Variants in SH3BGRL2 observed in about 807,000 individuals in gnomAD.
The protein encoded by SH3BGRL2 is SH3 domain-binding glutamic acid-rich-like protein 2.
SH3BGRL2 carries 21 observed loss-of-function variants against 14.8 expected under a neutral mutation model. The ratio of observed to expected loss-of-function variants is 1.42; its 90% CI spans 1.01 to 2.05. The LOEUF (loss-of-function observed/expected upper bound fraction) is 2.05. Ranked by LOEUF, SH3BGRL2 falls within the 30% of genes most tolerant of loss-of-function variation. The pLI is 0.00. For synonymous variants in SH3BGRL2, 50 were observed against 47.8 expected, an observed-to-expected ratio of 1.05 and a Z score of -0.19; for missense variants, 147 against 130.8, an observed-to-expected ratio of 1.12 and a Z score of -0.61.
chr6:79,554,206 T>C, the SH3BGRL2 span, among the ~76,000 whole-genome samples: 2 of 152,202 alleles, frequency 1.3e-5, no homozygotes, highest in African/African-American at 4.8e-5. Flanking sequence ...CTTTCCCTCT[T>C]ATTTTTCCTG....
chr6:79,680,417 G>A (rs750665736), intron 2 of SH3BGRL2, among the ~76,000 whole-genome samples: 1 of 152,134 alleles, frequency 6.6e-6, no homozygotes, highest in African/African-American at 2.4e-5. Context: ...TGGACTCTCT[G>A]TTCTGTGCTA....
chr6:79,680,363 G>T (rs1362165715), intron 2 of SH3BGRL2, among the ~76,000 whole-genome samples: 1 of 152,084 alleles, frequency 6.6e-6, no homozygotes, highest in African/African-American at 2.4e-5. Flanking sequence ...AGTGGTCTTG[G>T]TATGCTTGTC....
intron 2 of SH3BGRL2, among the ~76,000 whole-genome samples, chr6:79,681,936 A>G (rs1769995598): frequency 6.6e-6 from 1 of 151,352 alleles, no homozygotes; most frequent in Admixed American, 6.6e-5. Flanking sequence ...TGGGGGACAG[A>G]GTGAGACTCC....
At chr6:79,666,586 C>T (rs1415610568) in intron 1 of SH3BGRL2, among the ~76,000 whole-genome samples, 1 of 152,144 alleles carries the variant, frequency 6.6e-6, no homozygotes, top group East Asian at 1.9e-4. Context: ...TGGAAAGTTC[C>T]TGAGGTCTTT....
At chr6:79,550,475 T>G in the SH3BGRL2 span, among the ~76,000 whole-genome samples, 2 of 152,160 alleles carry the variant, frequency 1.3e-5, no homozygotes, top group Non-Finnish European at 2.9e-5. Flanking sequence ...TTTTTTCCTC[T>G]TATTTATCAC....
chr6:79,605,433 C>T, the SH3BGRL2 span, among the ~76,000 whole-genome samples: 1 of 152,192 alleles, frequency 6.6e-6, no homozygotes, highest in African/African-American at 2.4e-5. Context: ...AGTTTAGTTT[C>T]CCACTCCCTG....
the SH3BGRL2 span, among the ~76,000 whole-genome samples, chr6:79,624,902 T>C: frequency 6.6e-6 from 1 of 152,166 alleles, no homozygotes; most frequent in East Asian, 1.9e-4. Flanking sequence ...GTGGGCTCCA[T>C]GGCTCACGCC....
At chr6:79,574,918 T>C in the SH3BGRL2 span, 2 of 152,176 alleles carry the variant, frequency 1.3e-5, no homozygotes, top group Non-Finnish European at 2.9e-5. Flanking sequence ...TCTAGGTGGC[T>C]AACTTGGATT....
the SH3BGRL2 span, among the ~76,000 whole-genome samples, chr6:79,555,004 A>G: frequency 6.6e-6 from 1 of 152,152 alleles, no homozygotes; most frequent in Non-Finnish European, 1.5e-5. Context: ...TTTCTTCACA[A>G]TAGTCATATT....
At chr6:79,579,277 A>C in the SH3BGRL2 span, among the ~76,000 whole-genome samples, 60 of 152,316 alleles carry the variant, frequency 3.9e-4, no homozygotes, top group Middle Eastern at 3.4e-3. Flanking sequence ...GGCCAACATT[A>C]AAATTCAGGA....
chr6:79,562,477 A>G, the SH3BGRL2 span, among the ~76,000 whole-genome samples: 3 of 152,186 alleles, frequency 2.0e-5, no homozygotes, highest in African/African-American at 7.2e-5. Flanking sequence ...TTAGCTTCTG[A>G]GACTTAAAAA....
chr6:79,569,381 C>T, the SH3BGRL2 span, among the ~76,000 whole-genome samples: 2 of 152,146 alleles, frequency 1.3e-5, no homozygotes, highest in East Asian at 3.9e-4. Flanking sequence ...GTGCCAGACT[C>T]TTAGTTAATT....
upstream of SH3BGRL2, among the ~76,000 whole-genome samples, chr6:79,627,872 C>T (rs1300998821): frequency 2.6e-5 from 4 of 152,112 alleles, no homozygotes; most frequent in Admixed American, 6.5e-5. Flanking sequence ...GATCTCCCCT[C>T]ACCCCCAGCC....
At chr6:79,659,668 C>A (rs1769500845) in intron 1 of SH3BGRL2, among the ~76,000 whole-genome samples, 1 of 152,080 alleles carries the variant, frequency 6.6e-6, no homozygotes, top group Non-Finnish European at 1.5e-5. Flanking sequence ...TTTTCCAATT[C>A]TGTGAAGAAA....
upstream of SH3BGRL2, among the ~76,000 whole-genome samples, chr6:79,629,864 C>T (rs1223223423): frequency 6.6e-6 from 1 of 152,184 alleles, no homozygotes; most frequent in African/African-American, 2.4e-5. Context: ...ACAGAGTAGG[C>T]TCTGAGTTCC....
the SH3BGRL2 span, among the ~76,000 whole-genome samples, chr6:79,545,938 C>A: frequency 2.0e-5 from 3 of 152,066 alleles, no homozygotes; most frequent in Admixed American, 2.0e-4. Context: ...TTTCCATTTT[C>A]TCAATTTTCA....
chr6:79,678,954 CT>C (rs1562155881), intron 2 of SH3BGRL2, among the ~76,000 whole-genome samples: 1 of 152,060 alleles, frequency 6.6e-6, no homozygotes, highest in African/African-American at 2.4e-5. Context: ...TGAGTTTATT[CT>C]TTTTTTAAGG....
chr6:79,592,607 T>C, the SH3BGRL2 span, among the ~76,000 whole-genome samples: 1 of 151,960 alleles, frequency 6.6e-6, no homozygotes, highest in East Asian at 1.9e-4. Context: ...ATACAAAAAG[T>C]CAAGATAAAA....
At chr6:79,644,751 T>A (rs1484979692) in intron 1 of SH3BGRL2, among the ~76,000 whole-genome samples, 1 of 152,210 alleles carries the variant, frequency 6.6e-6, no homozygotes, top group Non-Finnish European at 1.5e-5. Flanking sequence ...CAGCCATTAT[T>A]ATTATTGAGT....
Sources: allele counts gnomAD v4.1 joint callset (sites outside exome capture counted in the v4.1 genomes callset), GRCh38; gene constraint gnomAD v4.1.1; transcripts MANE v1.5; gene names NCBI Gene and HGNC (gene_info 2026-07-23, HGNC 2026-07-21).